FBXL2: variants seen among roughly 807,000 people sequenced by gnomAD.
The protein encoded by FBXL2 is F-box and leucine rich repeat protein 2.
FBXL2 carries 38 observed loss-of-function variants against 69.2 expected under a neutral mutation model. The ratio of observed to expected loss-of-function variants is 0.55; its 90% CI spans 0.42 to 0.72. FBXL2 has a LOEUF of 0.72. FBXL2 is among the 30% of genes least tolerant of loss of function. The pLI is 0.00. For missense variants in FBXL2, 354 were observed against 520.3 expected (o/e 0.68, Z 3.11); for synonymous variants, 192 against 201.3 (o/e 0.95, Z 0.39).
chr3:33,350,424 A>G (rs1460378844), intron 2 of FBXL2, among the ~76,000 whole-genome samples: 4 of 146,324 alleles, frequency 2.7e-5, no homozygotes, highest in Non-Finnish European at 5.9e-5. Flanking sequence ...ACCTACAGCT[A>G]ACATCATAAT....
At chr3:33,392,527 T>G (rs1378061968), downstream of FBXL2, 2 of 1,583,776 alleles carry the variant, frequency 1.3e-6, no homozygotes, top group African/African-American at 2.7e-5. Context: ...TCTCTCATGA[T>G]TCCAGCATTT....
chr3:33,313,122 G>GA (rs200519700), intron 2 of FBXL2, among the ~76,000 whole-genome samples: 46,624 of 126,596 alleles, frequency 0.37, 8,878 homozygotes, highest in African/African-American at 0.53. Context: ...CCGTCTCCAA[G>GA]AAAAAAAAAA....
chr3:33,282,889 A>G (rs1385338672), intron 1 of FBXL2, among the ~76,000 whole-genome samples: 1 of 152,180 alleles, frequency 6.6e-6, no homozygotes, highest in African/African-American at 2.4e-5. Context: ...ATTTTTGCAC[A>G]TTGATTTTGT....
intron 2 of FBXL2, among the ~76,000 whole-genome samples, chr3:33,352,364 G>A (rs1205299415): frequency 2.0e-5 from 3 of 152,140 alleles, no homozygotes; most frequent in African/African-American, 7.2e-5. Context: ...ATTTCTAGAA[G>A]AAGTGTAGGA....
At chr3:33,286,703 G>T (rs1469539018) in intron 1 of FBXL2, among the ~76,000 whole-genome samples, 1 of 152,216 alleles carries the variant, frequency 6.6e-6, no homozygotes, top group Non-Finnish European at 1.5e-5. Context: ...GAGCTTCCCG[G>T]CTGCTTTGTT....
At position 33,305,588 on chromosome 3, in the gene FBXL2, C is replaced by T. The variant is rs561065036; in HGVS notation, c.65+7863C>T. On this transcript the variant is annotated intron_variant, in intron 2 of 14. Coordinates refer to ENST00000484457, the MANE Select transcript of FBXL2 (RefSeq NM_012157.5). ...TCAAAGAATTGAGTTGAGCAGTATG[C>T]ACGTGTTTTTCTGTCCTCCAAAAGC... Among the ~76,000 whole-genome samples, 5 of 151,954 alleles carry T rather than the reference C, an allele frequency of 3.3e-5. No individual in the cohort carries two copies. The East Asian group carries it at 9.7e-4, about 29-fold the overall frequency.
chr3:33,319,201 G>A (rs1036853522), intron 2 of FBXL2, among the ~76,000 whole-genome samples: 1 of 151,924 alleles, frequency 6.6e-6, no homozygotes, highest in Non-Finnish European at 1.5e-5. Context: ...TCAAGTATGG[G>A]AGCCCCCTTG....
intron 5 of FBXL2, among the ~76,000 whole-genome samples, chr3:33,371,776 T>G (rs1371814690): frequency 6.6e-6 from 1 of 152,222 alleles, no homozygotes; most frequent in Non-Finnish European, 1.5e-5. Flanking sequence ...CAGGTTTTGT[T>G]CTGGGATACA....
At chr3:33,304,249 G>A (rs907971623) in intron 2 of FBXL2, among the ~76,000 whole-genome samples, 1 of 151,988 alleles carries the variant, frequency 6.6e-6, no homozygotes, top group African/African-American at 2.4e-5. Context: ...TATAAGGAAT[G>A]TACATAAATG....
chr3:33,348,522 A>T (rs1230867742), intron 2 of FBXL2, among the ~76,000 whole-genome samples: 1 of 152,000 alleles, frequency 6.6e-6, no homozygotes, highest in East Asian at 1.9e-4. Context: ...AAATTTTAGG[A>T]TTATTTTTAT....
intron 2 of FBXL2, among the ~76,000 whole-genome samples, chr3:33,333,386 A>T (rs1239551238): frequency 6.6e-6 from 1 of 152,222 alleles, no homozygotes; most frequent in Admixed American, 6.5e-5. Flanking sequence ...GGATATAGGT[A>T]TTGATTAACT....
intron 2 of FBXL2, among the ~76,000 whole-genome samples, chr3:33,319,597 T>G (rs542705087): frequency 3.3e-5 from 5 of 152,326 alleles, no homozygotes; most frequent in African/African-American, 1.2e-4. Context: ...AATGTGTTTG[T>G]TGGAACTTAA....
intron 1 of FBXL2, 44 bp downstream of exon 1, chr3:33,277,559 CT>C: frequency 7.9e-7 from 1 of 1,264,514 alleles, no homozygotes; most frequent in East Asian, 3.1e-5. Flanking sequence ...CGCCCTACCC[CT>C]ACCGGGCTGG....
At position 33,359,379 on chromosome 3, in the gene FBXL2, C is replaced by T. The variant is rs141403881; in HGVS notation, c.195+22C>T. On this transcript the variant is annotated intron_variant, in intron 4 of 14. Coordinates refer to ENST00000484457, the MANE Select transcript of FBXL2 (RefSeq NM_012157.5). ...AGAGGTAAGTTAGCTTTGGTTTAGA[C>T]AAAAAACTTTTTAAAAATATGAGTA... The T allele has an allele frequency of 3.9e-5, 62 of 1,584,918 alleles. No homozygotes were observed. In the East Asian group the frequency reaches 1.3e-3, roughly 34 times the overall value.
At chr3:33,406,957 C>T (rs116070715), downstream of FBXL2, among the ~76,000 whole-genome samples, 609 of 152,308 alleles carry the variant, frequency 4.0e-3, 6 homozygotes, top group African/African-American at 0.013. Flanking sequence ...GGCATCTTTT[C>T]GACTCTAACA....
intron 12 of FBXL2, chr3:33,393,263 A>G: frequency 1.9e-6 from 3 of 1,538,554 alleles, no homozygotes; most frequent in Admixed American, 2.1e-5. Flanking sequence ...AATTACATGT[A>G]TAAAAGTAAA....
At chr3:33,396,117 T>C in intron 12 of FBXL2, 1 of 1,479,370 alleles carries the variant, frequency 6.8e-7, no homozygotes, top group Non-Finnish European at 9.3e-7. Context: ...CGTTTCTGTC[T>C]GACAGTCTCA....
At chr3:33,409,734 C>A in the FBXL2 span, 3 of 1,133,460 alleles carry the variant, frequency 2.6e-6, no homozygotes, top group Non-Finnish European at 3.7e-6. Flanking sequence ...CACATATTAG[C>A]CAAATTATCT....
At chr3:33,280,550 AT>A (rs749376211) in intron 1 of FBXL2, among the ~76,000 whole-genome samples, 2 of 151,966 alleles carry the variant, frequency 1.3e-5, no homozygotes, top group Non-Finnish European at 2.9e-5. Context: ...TCTACTAAAA[AT>A]TTGAAAAATT....
Sources: gnomAD v4.1 joint callset for allele counts (sites outside exome capture counted in the v4.1 genomes callset) on GRCh38, gnomAD v4.1.1 for gene constraint, MANE v1.5 for transcripts, NCBI Gene and HGNC (gene_info 2026-07-23, HGNC 2026-07-21) for gene names.